SNX9: variants seen among roughly 807,000 people sequenced by gnomAD.
SNX9 encodes sorting nexin 9.
SNX9 carries 44 observed loss-of-function variants against 89.4 expected under a neutral mutation model. That is an observed-to-expected ratio of 0.49 (90% confidence interval 0.39 to 0.63). SNX9 has a LOEUF of 0.63. SNX9 is among the 30% of genes least tolerant of loss of function. The probability of loss-of-function intolerance (pLI) is 0.00; values close to 1 mark genes in which losing one functional copy is unlikely to be tolerated. For synonymous variants in SNX9, 236 were observed against 247.8 expected, an observed-to-expected ratio of 0.95 and a Z score of 0.45; for missense variants, 578 against 736.1, an observed-to-expected ratio of 0.79 and a Z score of 2.49.
intron 1 of SNX9, among the ~76,000 whole-genome samples, chr6:157,836,124 G>A (rs1781578334): frequency 6.6e-6 from 1 of 151,890 alleles, no homozygotes; most frequent in African/African-American, 2.4e-5. Flanking sequence ...TTGTTTGTTT[G>A]TTTGTTTGTA....
intron 1 of SNX9, among the ~76,000 whole-genome samples, chr6:157,826,380 G>A (rs1209213887): frequency 5.3e-5 from 8 of 151,452 alleles, no homozygotes; most frequent in African/African-American, 1.7e-4. Flanking sequence ...GGCGCCTGTA[G>A]TCCCAGCTAC....
At chr6:157,941,154 A>G (rs62423476) in intron 17 of SNX9, among the ~76,000 whole-genome samples, 180 bp downstream of exon 17, 39 of 152,142 alleles carry the variant, frequency 2.6e-4, no homozygotes, top group Non-Finnish European at 4.6e-4. Flanking sequence ...TGCTTTTTGG[A>G]TAACACTGGG....
chr6:157,911,112 C>CAAATAAATAAATAAAT (rs3838669), intron 9 of SNX9, among the ~76,000 whole-genome samples: 4 of 150,502 alleles, frequency 2.7e-5, no homozygotes, highest in African/African-American at 7.4e-5. Context: ...GACTCTGTCT[C>CAAATAAATAAATAAAT]AAATAAATAA....
chr6:157,847,466 G>C (rs1212093264), intron 1 of SNX9, among the ~76,000 whole-genome samples: 6 of 152,082 alleles, frequency 3.9e-5, no homozygotes, highest in African/African-American at 1.4e-4. Context: ...TGATGGTGTA[G>C]ATCTTTGGAA....
At chr6:157,906,080 C>A in intron 6 of SNX9, 48 bp from the exon 7 acceptor site, 1 of 1,509,948 alleles carries the variant, frequency 6.6e-7, no homozygotes, top group Non-Finnish European at 9.1e-7. Flanking sequence ...TTGTAAAATT[C>A]TTACAAGGAA....
chr6:157,847,705 C>T (rs959539604), intron 1 of SNX9, among the ~76,000 whole-genome samples: 52 of 151,992 alleles, frequency 3.4e-4, no homozygotes, highest in African/African-American at 1.1e-3. Context: ...ATAGGTTACA[C>T]GTCGTCTATT....
In SNX9 at chr6:157,909,757, A is replaced by G. The variant is rs768109115; in HGVS notation, c.798A>G (p.Leu266=). 1.5e-5 allele frequency: 24 copies of G among 1,614,098 alleles called. No individual in the cohort carries two copies. Among genetic ancestry groups the G allele is most frequent in the Non-Finnish European group, 1.9e-5 (22 of 1,180,026 alleles). The change falls in exon 8 of 18, where the codon CTA becomes CTG. Residue 266 remains leucine (L), a synonymous_variant. Transcript: ENST00000392185. The part of the protein sequence containing the change: ...DPRKGSKMYG[L]KSYIEYQLTP... ...GGAAAGGCTCCAAAATGTATGGTCT[A>G]AAGAGCTACATCGAATATCAGCTAA... is the stretch of plus-strand genomic sequence containing the variant.
intron 16 of SNX9, among the ~76,000 whole-genome samples, chr6:157,939,152 A>G (rs79746993): frequency 0.012 from 1,831 of 152,170 alleles, 42 homozygotes; most frequent in African/African-American, 0.042. Context: ...AAGAAAAAAA[A>G]AAGATGAATT....
Position 157,823,415 on chromosome 6 carries a change from G to T in SNX9, c.-20G>T. ...CGCGGGAGACGAGCCGGCCGTCCCG[G>T]GCCGGGGGACCCGCCCGCCATGGCC... On this transcript the variant is annotated 5_prime_UTR_variant, in exon 1 of 18. Coordinates refer to ENST00000392185, the MANE Select transcript of SNX9 (RefSeq NM_016224.5). This position sits in a 1 kb window ranked among gnomAD's most constrained non-coding sequence, Gnocchi z 4.6. The T allele has an allele frequency of 1.6e-6, 2 of 1,252,974 alleles. No individual in the cohort carries two copies. The highest frequency in any genetic ancestry group is 2.3e-5 in the South Asian group (1 of 43,304). The allele number at this position is 1,252,974 out of a possible 1,614,324, so 77.6% of individuals were successfully genotyped here. A position where few individuals can be genotyped will look rare whatever the true frequency, so the allele number is the denominator to read the frequency against.
intron 9 of SNX9, among the ~76,000 whole-genome samples, chr6:157,917,812 C>G (rs1057321172): frequency 6.6e-6 from 1 of 152,032 alleles, no homozygotes; most frequent in African/African-American, 2.4e-5. Context: ...ATATTCATTA[C>G]AGAAAAAAAT....
chr6:157,909,116 G>A (rs1420836915), intron 7 of SNX9, among the ~76,000 whole-genome samples: 5 of 152,048 alleles, frequency 3.3e-5, no homozygotes, highest in Admixed American at 2.0e-4. Flanking sequence ...CTGATTAATC[G>A]TTTCTATGAG....
intron 1 of SNX9, among the ~76,000 whole-genome samples, chr6:157,845,145 G>A (rs1039041838): frequency 2.3e-5 from 3 of 128,046 alleles, no homozygotes; most frequent in African/African-American, 9.2e-5. Context: ...TTCCGCTCTT[G>A]TCGCCCAGGC....
intron 4 of SNX9, among the ~76,000 whole-genome samples, chr6:157,889,430 C>CAAAAAAAAAAAAAAAAAAAAAAAAAAA (rs56303673): frequency 1.7e-5 from 1 of 58,502 alleles, no homozygotes; most frequent in Non-Finnish European, 4.0e-5. Flanking sequence ...GACCCTGTCT[C>CAAAAAAAAAAAAAAAAAAAAAAAAAAA]AAAAAAAAAA....
Position 157,823,822 on chromosome 6 carries a change from C to CG in SNX9, c.12+377dup, listed in dbSNP as rs1781286910. 6.6e-6 allele frequency among the ~76,000 whole-genome samples: 1 copy of CG among 151,968 alleles called. No homozygotes were observed. Among genetic ancestry groups the CG allele is most frequent in the Non-Finnish European group, 1.5e-5 (1 of 67,940 alleles). Reference sequence around the variant, plus strand: ...CCCCGAGGCGACTGGCGCTCTGTGGCGTCCGGCGTCCCCGCCGCCCCCACG... The same window carrying CG: ...CCCCGAGGCGACTGGCGCTCTGTGGCGGTCCGGCGTCCCCGCCGCCCCCACG... On this transcript the variant is annotated intron_variant, in intron 1 of 17. Coordinates refer to ENST00000392185, the MANE Select transcript of SNX9 (RefSeq NM_016224.5). This position sits in a 1 kb window ranked among gnomAD's most constrained non-coding sequence, Gnocchi z 4.6.
intron 1 of SNX9, among the ~76,000 whole-genome samples, chr6:157,866,873 GTT>G (rs1220573748): frequency 6.6e-6 from 1 of 152,212 alleles, no homozygotes; most frequent in Non-Finnish European, 1.5e-5. Context: ...AGAATGAACA[GTT>G]TGTGTATTTC....
chr6:157,939,224 A>T (rs1432690856), intron 16 of SNX9, among the ~76,000 whole-genome samples: 1 of 152,048 alleles, frequency 6.6e-6, no homozygotes, highest in Non-Finnish European at 1.5e-5. Flanking sequence ...CTGTTGGCGG[A>T]TGGGTGGATG....
At chr6:157,846,651 C>A (rs1159652870) in intron 1 of SNX9, among the ~76,000 whole-genome samples, 2 of 152,232 alleles carry the variant, frequency 1.3e-5, no homozygotes, top group East Asian at 3.8e-4. Flanking sequence ...CTGACCCTGT[C>A]ATTTTTCATG....
intron 9 of SNX9, among the ~76,000 whole-genome samples, chr6:157,911,562 C>T (rs969405651): frequency 3.3e-5 from 5 of 152,170 alleles, no homozygotes; most frequent in Non-Finnish European, 7.3e-5. Context: ...CACAGATAGG[C>T]ATTTTCATCT....
chr6:157,900,924 T>C (rs931011947), intron 5 of SNX9, among the ~76,000 whole-genome samples: 1 of 152,196 alleles, frequency 6.6e-6, no homozygotes, highest in Non-Finnish European at 1.5e-5. Context: ...GCCTTAACCC[T>C]AAAGAGGCCC....
Sources: allele counts gnomAD v4.1 joint callset (sites outside exome capture counted in the v4.1 genomes callset), GRCh38; gene constraint gnomAD v4.1.1; non-coding constraint Gnocchi (gnomAD v3.1); transcripts MANE v1.5; gene names NCBI Gene and HGNC (gene_info 2026-07-23, HGNC 2026-07-21).